STPG2: variants seen among roughly 807,000 people sequenced by gnomAD.
The protein encoded by STPG2 is sperm tail PG-rich repeat containing 2.
Under a neutral mutation model 54.2 loss-of-function variants are expected in STPG2, and 56 were observed. The ratio of observed to expected loss-of-function variants is 1.03; its 90% CI spans 0.83 to 1.29. The LOEUF is 1.29. Ranked by LOEUF, STPG2 falls within the 50% of genes most tolerant of loss-of-function variation. The probability of loss-of-function intolerance (pLI) is 0.00; values close to 1 mark genes in which losing one functional copy is unlikely to be tolerated. For synonymous variants in STPG2, 200 were observed against 181.8 expected, an observed-to-expected ratio of 1.10 and a Z score of -0.81; for missense variants, 596 against 544.9, an observed-to-expected ratio of 1.09 and a Z score of -0.93.
chr4:97,838,209 C>T (rs1728689927), intron 9 of STPG2, among the ~76,000 whole-genome samples: 1 of 151,252 alleles, frequency 6.6e-6, no homozygotes, highest in Non-Finnish European at 1.5e-5. Flanking sequence ...AACAAAATTA[C>T]CAATGTTTAA....
intron 7 of STPG2, among the ~76,000 whole-genome samples, chr4:97,964,200 A>G (rs985897050): frequency 2.6e-5 from 4 of 152,322 alleles, no homozygotes; most frequent in South Asian, 2.1e-4. Flanking sequence ...GCACACTTGC[A>G]TCAGTCCTCC....
At chr4:97,745,912 T>G (rs1725408525) in intron 9 of STPG2, among the ~76,000 whole-genome samples, 3 of 151,296 alleles carry the variant, frequency 2.0e-5, no homozygotes, top group South Asian at 4.1e-4. Context: ...TCTTAACATC[T>G]GGATTTCTAG....
intron 8 of STPG2, among the ~76,000 whole-genome samples, chr4:97,869,855 T>C (rs972166300): frequency 1.3e-5 from 2 of 151,590 alleles, no homozygotes; most frequent in Non-Finnish European, 3.0e-5. Flanking sequence ...CAAATATTTG[T>C]CTACAAGTTG....
At chr4:97,514,164 G>C (rs944324831) in intron 4 of STPG2, among the ~76,000 whole-genome samples, 1 of 152,110 alleles carries the variant, frequency 6.6e-6, no homozygotes, top group African/African-American at 2.4e-5. Context: ...CATGAGGAAA[G>C]AGAGGTTGAG....
chr4:98,060,789 C>T (rs2110098549), intron 5 of STPG2, among the ~76,000 whole-genome samples: 1 of 152,206 alleles, frequency 6.6e-6, no homozygotes, highest in South Asian at 2.1e-4. Flanking sequence ...TGATCTTCTG[C>T]AAAGCTGACA....
At chr4:97,759,677 T>A (rs1011700964) in intron 9 of STPG2, among the ~76,000 whole-genome samples, 2 of 151,942 alleles carry the variant, frequency 1.3e-5, no homozygotes, top group African/African-American at 2.4e-5. Context: ...ACTGAAAAAA[T>A]TAGGTACTCA....
chr4:97,859,548 T>A (rs1729448189), intron 8 of STPG2, among the ~76,000 whole-genome samples: 1 of 150,322 alleles, frequency 6.7e-6, no homozygotes. Context: ...CACTGCAACC[T>A]CTGCCTCCCA....
At chr4:97,712,304 G>A (rs1724147556) in intron 10 of STPG2, among the ~76,000 whole-genome samples, 1 of 152,022 alleles carries the variant, frequency 6.6e-6, no homozygotes, top group African/African-American at 2.4e-5. Flanking sequence ...GAAAATAAAA[G>A]AGCAACACAC....
intron 8 of STPG2, among the ~76,000 whole-genome samples, chr4:97,849,696 A>C (rs1164100190): frequency 6.6e-6 from 1 of 152,074 alleles, no homozygotes; most frequent in Non-Finnish European, 1.5e-5. Context: ...GCCATCAGAG[A>C]AATGCAAATC....
chr4:98,047,602 G>A lies in STPG2; in HGVS notation c.612+58351C>T, dbSNP rs149389020. On this transcript the variant is annotated intron_variant, in intron 5 of 10. Transcript: ENST00000295268. ...GACTCACAAGTGTAGAGGCCTATCAGTTCCCACAGCTAGATGATTTAGAAG... is the reference window on the plus strand; with the variant it reads ...GACTCACAAGTGTAGAGGCCTATCAATTCCCACAGCTAGATGATTTAGAAG... Among the ~76,000 whole-genome samples the A allele has an allele frequency of 1.8e-3, 280 of 152,184 alleles. 3 individuals carry two copies. Among genetic ancestry groups the A allele is most frequent in the Middle Eastern group, 0.01 (3 of 294 alleles).
chr4:97,675,912 G>A (rs1238833055), intron 10 of STPG2, among the ~76,000 whole-genome samples: 2 of 144,444 alleles, frequency 1.4e-5, no homozygotes, highest in African/African-American at 2.5e-5. Flanking sequence ...TATATATAGT[G>A]TATATATATA....
rs564550453 is a variant in STPG2 at position 97,499,831 on chromosome 4, T to G, written c.462+212868A>C. ...AGGGCAGGCGTGAGAAACAGCCAGCTAGACAGGGCCACTTAGATGGGATGA... is the reference window on the plus strand; with the variant it reads ...AGGGCAGGCGTGAGAAACAGCCAGCGAGACAGGGCCACTTAGATGGGATGA... On this transcript the variant is annotated intron_variant, in intron 4 of 4. Coordinates refer to the STPG2 transcript ENST00000522676. Among the ~76,000 whole-genome samples the G allele has an allele frequency of 6.6e-5, 10 of 152,106 alleles. No individual in the cohort carries two copies. In the South Asian group the frequency reaches 2.1e-3, roughly 32 times the overall value.
chr4:98,039,672 C>T (rs1736886584), intron 5 of STPG2, among the ~76,000 whole-genome samples: 1 of 131,636 alleles, frequency 7.6e-6, no homozygotes, highest in Non-Finnish European at 1.7e-5. Context: ...CTTAAAATTA[C>T]ATATGTGATA....
intron 4 of STPG2, among the ~76,000 whole-genome samples, chr4:97,454,519 CAAAAAAAAAAAAAAAAAAAAAAAA>C (rs10564687): frequency 1.2e-3 from 51 of 43,692 alleles, no homozygotes; most frequent in Admixed American, 3.1e-3. Flanking sequence ...GACTCCGTCT[CAAAAAAAAAAAAAAAAAAAAAAAA>C]AAAAAAAAAA....
At chr4:97,553,890 G>A (rs912645954), downstream of STPG2, among the ~76,000 whole-genome samples, 1 of 152,116 alleles carries the variant, frequency 6.6e-6, no homozygotes, top group Admixed American at 6.6e-5. Context: ...CTCAGTATTG[G>A]CTCAATCTCA....
At chr4:97,783,331 T>C (rs1726713550) in intron 9 of STPG2, among the ~76,000 whole-genome samples, 1 of 152,152 alleles carries the variant, frequency 6.6e-6, no homozygotes, top group Non-Finnish European at 1.5e-5. Flanking sequence ...AAAATGTTCA[T>C]CATCACTGGC....
At chr4:97,907,387 A>C (rs1731475672) in intron 8 of STPG2, among the ~76,000 whole-genome samples, 1 of 152,234 alleles carries the variant, frequency 6.6e-6, no homozygotes, top group African/African-American at 2.4e-5. Flanking sequence ...CAAATGGAAG[A>C]ATAATCCATG....
chr4:97,855,028 T>C (rs538327351), intron 8 of STPG2, among the ~76,000 whole-genome samples: 2 of 152,292 alleles, frequency 1.3e-5, no homozygotes, highest in East Asian at 1.9e-4. Flanking sequence ...TAGGGGTAGA[T>C]TGCTGAATAT....
chr4:97,795,491 C>A (rs1003290743), intron 9 of STPG2, among the ~76,000 whole-genome samples: 2 of 152,192 alleles, frequency 1.3e-5, no homozygotes, highest in African/African-American at 4.8e-5. Context: ...ATGATGGTTT[C>A]CAGCTTCATC....
Sources: gnomAD v4.1 joint callset for allele counts (sites outside exome capture counted in the v4.1 genomes callset) on GRCh38, gnomAD v4.1.1 for gene constraint, MANE v1.5 for transcripts, NCBI Gene and HGNC (gene_info 2026-07-23, HGNC 2026-07-21) for gene names.